Variants in MSH4 observed in about 807,000 individuals in gnomAD.
MSH4 encodes mutS protein homolog 4.
MSH4 carries 106 observed loss-of-function variants against 113.7 expected under a neutral mutation model. That is an observed-to-expected ratio of 0.93 (90% CI 0.80 to 1.10). The LOEUF is 1.10. MSH4 is among the 50% of genes least tolerant of loss of function. The pLI, the probability that MSH4 is intolerant of heterozygous loss-of-function variation, is 0.00. For missense variants in MSH4, 1,061 were observed against 1,093.7 expected (o/e 0.97, Z 0.42); for synonymous variants, 368 against 380.2 (o/e 0.97, Z 0.37).
chr1:75,866,818 T>TA (rs566828598), intron 8 of MSH4, among the ~76,000 whole-genome samples: 93 of 142,738 alleles, frequency 6.5e-4, no homozygotes, highest in Admixed American at 9.8e-4. Context: ...CCATCTCTAT[T>TA]AAAAAAAAAA....
intron 6 of MSH4, among the ~76,000 whole-genome samples, chr1:75,819,420 G>A (rs552479705): frequency 1.6e-4 from 25 of 152,284 alleles, no homozygotes; most frequent in African/African-American, 5.3e-4. Flanking sequence ...AACCCTGGAG[G>A]CAGAGGTAGC....
intron 11 of MSH4, 88 bp downstream of exon 11, chr1:75,878,406 A>G: frequency 9.9e-7 from 1 of 1,014,964 alleles, no homozygotes; most frequent in Non-Finnish European, 1.4e-6. Context: ...ATGACTAGCC[A>G]TACATATTTT....
In MSH4 at chr1:75,912,805, G is replaced by C; in HGVS notation, c.2729G>C (p.Arg910Pro). Residue 910 changes from arginine to proline, a missense_variant, in exon 20 of 20, where the codon CGA (arginine) becomes CCA (proline). Transcript: ENST00000263187. ...TCTCAATTGGATCCAGACAGTTTAC[G>C]AATATATTTAAGTAACCTCAAGAAG... ...RNSQLDPDSLRIYLSNLKKKY... is the reference protein window; with the variant it reads ...RNSQLDPDSLPIYLSNLKKKY... 2 of 1,591,894 alleles carry C rather than the reference G, an allele frequency of 1.3e-6. No individual in the cohort carries two copies. Among genetic ancestry groups the C allele is most frequent in the Non-Finnish European group, 8.5e-7 (1 of 1,169,784 alleles).
At chr1:75,893,600 G>A (rs113322563) in intron 17 of MSH4, among the ~76,000 whole-genome samples, 3 of 152,136 alleles carry the variant, frequency 2.0e-5, no homozygotes, top group South Asian at 2.1e-4. Flanking sequence ...TCCTCAAGTC[G>A]CACTTCCACC....
intron 6 of MSH4, among the ~76,000 whole-genome samples, chr1:75,818,828 T>C (rs1373005894): frequency 6.6e-6 from 1 of 152,168 alleles, no homozygotes; most frequent in Non-Finnish European, 1.5e-5. Context: ...AGTGGTGCAA[T>C]CTTGGCTCAC....
intron 19 of MSH4, among the ~76,000 whole-genome samples, chr1:75,907,689 CAT>C (rs71071973): frequency 0.088 from 6,925 of 78,410 alleles, 408 homozygotes; most frequent in East Asian, 0.28. Flanking sequence ...TCTCTCTATA[CAT>C]ATATATATAT....
At chr1:75,898,150 C>G (rs894969635) in intron 18 of MSH4, 69 bp downstream of exon 18, 2 of 1,061,814 alleles carry the variant, frequency 1.9e-6, no homozygotes, top group Non-Finnish European at 2.6e-6. Flanking sequence ...ACTTTCATCT[C>G]TTCTTTACTT....
At chr1:75,833,855 A>G (rs933026214) in intron 7 of MSH4, among the ~76,000 whole-genome samples, 12 of 152,206 alleles carry the variant, frequency 7.9e-5, no homozygotes, top group African/African-American at 2.2e-4. Flanking sequence ...AAGCAATACC[A>G]TTCAGGTCAT....
intron 8 of MSH4, among the ~76,000 whole-genome samples, chr1:75,863,714 T>G (rs1570974679): frequency 6.6e-6 from 1 of 152,202 alleles, no homozygotes; most frequent in East Asian, 1.9e-4. Context: ...ATGGCAGTGC[T>G]CATCATGCTT....
chr1:75,873,748 T>TTTTATATATA (rs377209773), intron 9 of MSH4, among the ~76,000 whole-genome samples: 1 of 150,342 alleles, frequency 6.7e-6, no homozygotes, highest in African/African-American at 2.4e-5. Flanking sequence ...GATCTTGTTT[T>TTTTATATATA]TATATATATA....
At chr1:75,845,023 T>C (rs1651046279) in intron 7 of MSH4, among the ~76,000 whole-genome samples, 1 of 152,196 alleles carries the variant, frequency 6.6e-6, no homozygotes, top group Non-Finnish European at 1.5e-5. Context: ...CAGAATTTAC[T>C]TCCAGAACAA....
intron 6 of MSH4, among the ~76,000 whole-genome samples, chr1:75,818,968 G>GTGT (rs1329823877): frequency 6.6e-6 from 1 of 151,760 alleles, no homozygotes; most frequent in Non-Finnish European, 1.5e-5. Flanking sequence ...GGGTCTCACT[G>GTGT]TGTTAGCCAG....
At chr1:75,859,967 T>G (rs1283279424) in intron 8 of MSH4, among the ~76,000 whole-genome samples, 1 of 152,254 alleles carries the variant, frequency 6.6e-6, no homozygotes, top group East Asian at 1.9e-4. Context: ...TGTATATATT[T>G]AGGACAGTTA....
intron 9 of MSH4, among the ~76,000 whole-genome samples, chr1:75,876,517 A>G (rs1651820957): frequency 6.6e-6 from 1 of 152,080 alleles, no homozygotes; most frequent in African/African-American, 2.4e-5. Context: ...CCCTATTTTT[A>G]CTATATAAGA....
intron 18 of MSH4, among the ~76,000 whole-genome samples, chr1:75,899,225 A>G (rs1231873798): frequency 6.6e-6 from 1 of 152,176 alleles, no homozygotes; most frequent in East Asian, 1.9e-4. Flanking sequence ...GTGAATGTTT[A>G]GCTGTAGTGT....
chr1:75,912,634 G>A (rs1652810268), intron 19 of MSH4, 62 bp from the exon 20 acceptor site: 2 of 1,087,782 alleles, frequency 1.8e-6, no homozygotes, highest in South Asian at 5.4e-5. Context: ...CCAACATGTG[G>A]TTTAAATAAA....
At chr1:75,871,063 G>A (rs1325075820) in intron 9 of MSH4, among the ~76,000 whole-genome samples, 1 of 152,196 alleles carries the variant, frequency 6.6e-6, no homozygotes, top group East Asian at 1.9e-4. Context: ...TTGACTCACA[G>A]TTCAGTATGG....
At chr1:75,885,751 GTAT>G (rs1182311004) in intron 15 of MSH4, among the ~76,000 whole-genome samples, 11 of 103,412 alleles carry the variant, frequency 1.1e-4, no homozygotes, top group Non-Finnish European at 1.8e-4. Flanking sequence ...TATATATAAT[GTAT>G]TATATATAGT....
chr1:75,814,877 G>C, intron 4 of MSH4, 144 bp from the exon 5 acceptor site: 1 of 603,678 alleles, frequency 1.7e-6, no homozygotes. Flanking sequence ...TCTTTTTATA[G>C]AAATAACTAA....
Sources: gnomAD v4.1 joint callset for allele counts (sites outside exome capture counted in the v4.1 genomes callset) on GRCh38, gnomAD v4.1.1 for gene constraint, MANE v1.5 for transcripts, NCBI Gene and HGNC (gene_info 2026-07-23, HGNC 2026-07-21) for gene names.